Variants in TOGARAM2 observed in about 807,000 individuals in gnomAD.
The protein encoded by TOGARAM2 is TOG array regulator of axonemal microtubules 2, also known as TOG array regulator of axonemal microtubules protein 2.
In TOGARAM2, 85 loss-of-function variants were observed where a neutral mutation model predicts 93.3. That is an observed-to-expected ratio of 0.91 (90% confidence interval 0.76 to 1.09). The LOEUF (loss-of-function observed/expected upper bound fraction) is 1.09. Among genes scored for constraint, TOGARAM2 ranks in the 50% least tolerant of loss-of-function variants. The pLI, the probability that TOGARAM2 is intolerant of heterozygous loss-of-function variation, is 0.00. For synonymous variants in TOGARAM2, 593 were observed against 552.8 expected (o/e 1.07, Z -1.02); for missense variants, 1,277 against 1,334.5 (o/e 0.96, Z 0.67).
intron 7 of TOGARAM2, among the ~76,000 whole-genome samples, 158 bp downstream of exon 7, chr2:29,011,659 G>A (rs548465420): frequency 3.3e-5 from 5 of 152,206 alleles, no homozygotes; most frequent in Non-Finnish European, 5.9e-5. Flanking sequence ...AGGTCTAACC[G>A]GAGGGTGGCA....
intron 1 of TOGARAM2, among the ~76,000 whole-genome samples, chr2:28,988,984 T>C (rs1308015972): frequency 6.6e-6 from 1 of 152,188 alleles, no homozygotes; most frequent in Non-Finnish European, 1.5e-5. Context: ...TCTCTACCCA[T>C]CTCTGCTCAA....
Position 28,999,410 on chromosome 2 carries a change from G to C in TOGARAM2, c.369G>C (p.Gln123His), listed in dbSNP as rs894905741. The C allele has an allele frequency of 1.2e-6, 2 of 1,613,324 alleles. No homozygotes were observed. The highest frequency in any genetic ancestry group is 2.2e-5 in the East Asian group (1 of 44,858). ...ACAGCGTGGCCAGGGACACCATCCA[G>C]ATTAAGGACAAGCTCAAGAAAAGGA... ...EANSVARDTIQIKDKLKKRRL... is the reference protein window; with the variant it reads ...EANSVARDTIHIKDKLKKRRL... Residue 123 changes from glutamine to histidine, a missense_variant, in exon 4 of 20, where the codon CAG (glutamine) becomes CAC (histidine). Transcript: ENST00000379558.
intron 1 of TOGARAM2, among the ~76,000 whole-genome samples, chr2:28,958,424 G>C (rs1671755610): frequency 6.6e-6 from 1 of 151,832 alleles, no homozygotes; most frequent in Non-Finnish European, 1.5e-5. Context: ...TCCTGCTTCA[G>C]CCTCCCGAGT....
chr2:28,966,967 T>C (rs915328248), intron 1 of TOGARAM2, among the ~76,000 whole-genome samples: 15 of 152,202 alleles, frequency 9.9e-5, no homozygotes, highest in African/African-American at 2.9e-4. Context: ...AAGAAAGCCA[T>C]ATAGGTTTTA....
intron 10 of TOGARAM2, among the ~76,000 whole-genome samples, 191 bp from the exon 11 acceptor site, chr2:29,021,967 T>C (rs1450277114): frequency 6.6e-6 from 1 of 152,176 alleles, no homozygotes; most frequent in Non-Finnish European, 1.5e-5. Flanking sequence ...GAGGTCTTCA[T>C]GGCTCCTGGG....
Position 29,024,268 on chromosome 2 carries a change from G to A in TOGARAM2, c.1747G>A (p.Asp583Asn). Reference sequence around the variant, plus strand: ...CCGCTGCTTGCTGCAGAAGATGGCGGACACCAACGAGTTCATCCAGAGAGC... The same window carrying A: ...CCGCTGCTTGCTGCAGAAGATGGCGAACACCAACGAGTTCATCCAGAGAGC... ...IARCLLQKMA[D>N]TNEFIQRAAG... is the part of the protein sequence containing the mutation. Residue 583 changes from aspartate to asparagine, a missense_variant, in exon 13 of 20, where the codon GAC (aspartate) becomes AAC (asparagine). Coordinates refer to ENST00000379558, the MANE Select transcript of TOGARAM2 (RefSeq NM_199280.4). 1 of 1,613,150 alleles carries A rather than the reference G, an allele frequency of 6.2e-7. No individual in the cohort carries two copies.
chr2:28,976,189 T>C (rs1298824587), intron 1 of TOGARAM2, among the ~76,000 whole-genome samples: 1 of 152,110 alleles, frequency 6.6e-6, no homozygotes, highest in Non-Finnish European at 1.5e-5. Context: ...GCTAACATGG[T>C]GAAACCCCGT....
Position 29,017,174 on chromosome 2 carries a change from G to T in TOGARAM2, c.1065G>T (p.Lys355Asn). 1 of 1,613,786 alleles carries T rather than the reference G, an allele frequency of 6.2e-7. No individual in the cohort carries two copies. The highest frequency in any genetic ancestry group is 8.5e-7 in the Non-Finnish European group (1 of 1,179,792). The change falls in exon 9 of 20, where the codon AAG becomes AAT. Residue 355 changes from lysine (K) to asparagine (N), a missense_variant. Lys to Asn is a moderately conservative substitution (Grantham distance 94, BLOSUM62 0). Coordinates refer to ENST00000379558, the MANE Select transcript of TOGARAM2 (RefSeq NM_199280.4). ...GCCAGATCCAAGTCACCATCTCCAAGTCTGCCCGGGAGAAGATGCAGCTGA... is the reference window on the plus strand; with the variant it reads ...GCCAGATCCAAGTCACCATCTCCAATTCTGCCCGGGAGAAGATGCAGCTGA... ...IGTKIQVTIS[K>N]SAREKMQLKQ...
At chr2:28,983,302 C>T (rs2148239783) in intron 1 of TOGARAM2, among the ~76,000 whole-genome samples, 1 of 123,410 alleles carries the variant, frequency 8.1e-6, no homozygotes, top group East Asian at 2.6e-4. Context: ...GCCTTGGCCT[C>T]CCAAAGTGCT....
chr2:29,027,161 C>A, intron 14 of TOGARAM2, 150 bp downstream of exon 14: 1 of 834,052 alleles, frequency 1.2e-6, no homozygotes, highest in Non-Finnish European at 1.8e-6. Context: ...AGCTCTTGTC[C>A]CATCCCTTCC....
At position 29,005,985 on chromosome 2, in the gene TOGARAM2, GCA is replaced by G. The variant is rs1663758881; in HGVS notation, c.830+2304_830+2305del. Among the ~76,000 whole-genome samples, 6 of 137,062 alleles carry G rather than the reference GCA, an allele frequency of 4.4e-5. No individual in the cohort carries two copies. In the Admixed American group the frequency reaches 4.6e-4, roughly 11 times the overall value. The allele number at this position is 137,062 out of a possible 152,430, so 89.9% of individuals were successfully genotyped here. A position where few individuals can be genotyped will look rare whatever the true frequency, so the allele number is the denominator to read the frequency against. ...TATTTGTGTGTGAGACCGTATGAGT[GCA>G]TGTGTAGGGTGTGTATGTGTGCGTG... On this transcript the variant is annotated intron_variant, in intron 6 of 19. Coordinates refer to ENST00000379558, the MANE Select transcript of TOGARAM2 (RefSeq NM_199280.4).
chr2:28,988,904 T>C (rs1672586152), intron 1 of TOGARAM2, among the ~76,000 whole-genome samples: 1 of 152,226 alleles, frequency 6.6e-6, no homozygotes, highest in East Asian at 1.9e-4. Flanking sequence ...TCTGCTCATC[T>C]GGCTCTCCTG....
rs181048633 is a variant in TOGARAM2, at chr2:29,012,935, G to T, written c.877+1434G>T. Among the ~76,000 whole-genome samples, 136 of 152,364 alleles carry T rather than the reference G, an allele frequency of 8.9e-4. 1 individual carries two copies. Among genetic ancestry groups the T allele is most frequent in the African/African-American group, 3.1e-3 (128 of 41,582 alleles). On this transcript the variant is annotated intron_variant, in intron 7 of 19. Transcript: ENST00000379558. ...AAGCCCCTCTTCCCCCTTGGCCCTTGATCCTTCTCCCTGCACCAAGCAGAG... is the reference window on the plus strand; with the variant it reads ...AAGCCCCTCTTCCCCCTTGGCCCTTTATCCTTCTCCCTGCACCAAGCAGAG...
At chr2:28,963,585 C>A (rs1441303115) in intron 1 of TOGARAM2, among the ~76,000 whole-genome samples, 1 of 152,188 alleles carries the variant, frequency 6.6e-6, no homozygotes, top group Non-Finnish European at 1.5e-5. Context: ...CTTATTTGCC[C>A]AGGCTGGTCT....
At chr2:29,026,024 C>T (rs1665336368) in intron 13 of TOGARAM2, among the ~76,000 whole-genome samples, 1 of 152,120 alleles carries the variant, frequency 6.6e-6, no homozygotes, top group Admixed American at 6.5e-5. Context: ...ACATGCAGCT[C>T]AGCTTCCCTG....
At chr2:28,979,310 G>A (rs376798918), upstream of TOGARAM2, among the ~76,000 whole-genome samples, 3 of 152,324 alleles carry the variant, frequency 2.0e-5, no homozygotes, top group Middle Eastern at 3.4e-3. Context: ...GGGTGAGTGC[G>A]TGCTCTGTGC....
chr2:29,033,687 T>G, intron 16 of TOGARAM2, 124 bp downstream of exon 16: 1 of 809,720 alleles, frequency 1.2e-6, no homozygotes, highest in South Asian at 1.9e-5. Context: ...TGAGACCTAG[T>G]TGGGGCTGCA....
In TOGARAM2 at chr2:28,969,173, C is replaced by A. The variant is rs144615215; in HGVS notation, c.-147+12476C>A. Among the ~76,000 whole-genome samples the A allele has an allele frequency of 1.5e-3, 225 of 152,336 alleles. 1 individual carries two copies. Among genetic ancestry groups the A allele is most frequent in the Admixed American group, 3.1e-3 (48 of 15,298 alleles). On this transcript the variant is annotated intron_variant, in intron 1 of 6. Coordinates refer to the TOGARAM2 transcript ENST00000401723. ...CGTGCAGAGAGGTTTCGGGAGGATT[C>A]TAGCTGGGCGTCAGGAGATTTGCAA... is the stretch of plus-strand genomic sequence containing the variant.
At chr2:29,001,748 C>T (rs1001369330) in intron 4 of TOGARAM2, among the ~76,000 whole-genome samples, 3 of 152,208 alleles carry the variant, frequency 2.0e-5, no homozygotes, top group Non-Finnish European at 4.4e-5. Flanking sequence ...CCGTTCTCGG[C>T]CTCCCAAAGT....
Sources: allele counts gnomAD v4.1 joint callset (sites outside exome capture counted in the v4.1 genomes callset), GRCh38; gene constraint gnomAD v4.1.1; transcripts MANE v1.5; gene names NCBI Gene and HGNC (gene_info 2026-07-23, HGNC 2026-07-21).